COL21A1: variants seen among roughly 807,000 people sequenced by gnomAD.
COL21A1 encodes the protein collagen alpha-1(XXI) chain.
A neutral mutation model predicts 137.9 loss-of-function variants in COL21A1; 149 were observed. That is an observed-to-expected ratio of 1.08 (90% confidence interval 0.95 to 1.24). The LOEUF is 1.24. COL21A1 is among the 50% of genes most tolerant of loss of function. The pLI is 0.00. For synonymous variants in COL21A1, 456 were observed against 391.5 expected (o/e 1.16, Z -1.95); for missense variants, 1,167 against 1,158.4 (o/e 1.01, Z -0.11).
intron 29 of COL21A1, 127 bp from the exon 30 acceptor site, chr6:56,057,971 A>G (rs1582201878): frequency 1.7e-6 from 1 of 601,700 alleles, no homozygotes; most frequent in Non-Finnish European, 2.7e-6. Flanking sequence ...CACTAATTAT[A>G]TAGTAGAGGC....
chr6:56,233,106 T>C, intron 1 of COL21A1, among the ~76,000 whole-genome samples: 1 of 151,842 alleles, frequency 6.6e-6, no homozygotes, highest in Non-Finnish European at 1.5e-5. Context: ...CACAGTAATC[T>C]ATGAGTTTGG....
intron 1 of COL21A1, among the ~76,000 whole-genome samples, chr6:56,211,163 G>GTATATGTATATATACATATATATGTA (rs71813529): frequency 3.2e-5 from 1 of 30,862 alleles, no homozygotes; most frequent in Non-Finnish European, 6.4e-5. Context: ...AATTTTGTGT[G>GTATATGTATATATACATATATATGTA]TATATGTATA....
intron 16 of COL21A1, among the ~76,000 whole-genome samples, chr6:56,116,176 GA>G (rs1771901462): frequency 6.6e-6 from 1 of 151,848 alleles, no homozygotes; most frequent in Non-Finnish European, 1.5e-5. Context: ...GAAGGCTATA[GA>G]ACACCAAGCA....
chr6:56,352,693 C>G (rs1020088089), intron 1 of COL21A1, among the ~76,000 whole-genome samples: 11 of 152,154 alleles, frequency 7.2e-5, no homozygotes, highest in Non-Finnish European at 1.3e-4. Flanking sequence ...TGCCTCCTAT[C>G]CTCACTAGTA....
At chr6:56,133,268 G>T (rs529290717) in intron 12 of COL21A1, among the ~76,000 whole-genome samples, 4 of 152,174 alleles carry the variant, frequency 2.6e-5, no homozygotes, top group Admixed American at 6.5e-5. Flanking sequence ...TGAGAAACTT[G>T]TTGGGAACTG....
At chr6:56,127,425 T>C (rs191189726) in intron 12 of COL21A1, among the ~76,000 whole-genome samples, 1 of 152,308 alleles carries the variant, frequency 6.6e-6, no homozygotes, top group African/African-American at 2.4e-5. Flanking sequence ...TCATTTGCAT[T>C]GAAAATTTTT....
chr6:56,303,567 T>C (rs1764355580), intron 1 of COL21A1, among the ~76,000 whole-genome samples: 1 of 152,228 alleles, frequency 6.6e-6, no homozygotes, highest in Non-Finnish European at 1.5e-5. Context: ...CTTGTGATTT[T>C]TGTACATTGA....
intron 16 of COL21A1, among the ~76,000 whole-genome samples, chr6:56,118,380 A>G (rs1561883468): frequency 1.3e-5 from 2 of 152,072 alleles, no homozygotes; most frequent in Admixed American, 1.3e-4. Context: ...AGATTAAACC[A>G]GGAAGAAATC....
chr6:56,208,150 TC>T (rs1214706582), intron 1 of COL21A1, among the ~76,000 whole-genome samples: 1 of 152,094 alleles, frequency 6.6e-6, no homozygotes, highest in East Asian at 1.9e-4. Flanking sequence ...CTCTCACCTC[TC>T]CTAATCAACA....
intron 1 of COL21A1, among the ~76,000 whole-genome samples, chr6:56,376,287 G>A (rs1258105704): frequency 6.6e-6 from 1 of 152,188 alleles, no homozygotes; most frequent in Non-Finnish European, 1.5e-5. Flanking sequence ...AGTTTCCAAG[G>A]AGTGGGACTG....
intron 1 of COL21A1, among the ~76,000 whole-genome samples, chr6:56,261,553 G>C (rs922401820): frequency 6.6e-6 from 1 of 152,170 alleles, no homozygotes; most frequent in Non-Finnish European, 1.5e-5. Context: ...GTGGACCGGA[G>C]AGCAAGCCCT....
At chr6:56,308,411 A>G (rs1401060468) in intron 1 of COL21A1, among the ~76,000 whole-genome samples, 1 of 152,370 alleles carries the variant, frequency 6.6e-6, no homozygotes. Context: ...TTGTTAAACT[A>G]GCCCAAAGGG....
chr6:56,169,337 C>A (rs1241911802), intron 5 of COL21A1, among the ~76,000 whole-genome samples: 4 of 151,890 alleles, frequency 2.6e-5, no homozygotes, highest in Non-Finnish European at 5.9e-5. Flanking sequence ...TCCCCAGGAC[C>A]TGGCCTAATT....
chr6:56,291,613 G>A (rs1764047093), intron 1 of COL21A1, among the ~76,000 whole-genome samples: 1 of 152,220 alleles, frequency 6.6e-6, no homozygotes, highest in Admixed American at 6.5e-5. Flanking sequence ...AGGAGGGTGG[G>A]TTTGGAGTTG....
Position 56,060,235 on chromosome 6 carries a change from A to C in COL21A1, c.2408-17T>G, listed in dbSNP as rs1276359083. 3.8e-6 allele frequency: 6 copies of C among 1,564,798 alleles called. No homozygotes were observed. The highest frequency in any genetic ancestry group is 1.4e-5 in the African/African-American group (1 of 72,812). On this transcript the variant is annotated splice_polypyrimidine_tract_variant and intron_variant, in intron 27 of 29. Coordinates refer to ENST00000244728, the MANE Select transcript of COL21A1 (RefSeq NM_030820.4). ...GTAGCTGGGCTTTCAAAAACAAAGA[A>C]ACCCCATCCCTTATGTTTAAATGGT...
chr6:56,184,725 T>C (rs996964151), intron 1 of COL21A1, among the ~76,000 whole-genome samples: 1 of 152,216 alleles, frequency 6.6e-6, no homozygotes, highest in African/African-American at 2.4e-5. Context: ...TTATGTTCCT[T>C]GACCAAAGGG....
At chr6:56,338,368 G>C (rs1337294703) in intron 1 of COL21A1, among the ~76,000 whole-genome samples, 6 of 152,024 alleles carry the variant, frequency 3.9e-5, no homozygotes, top group Admixed American at 6.5e-5. Context: ...TCTCTAGAAG[G>C]CAGCATACTT....
intron 1 of COL21A1, among the ~76,000 whole-genome samples, chr6:56,220,869 C>T (rs1170824060): frequency 6.6e-6 from 1 of 152,054 alleles, no homozygotes; most frequent in Non-Finnish European, 1.5e-5. Context: ...CACAGAGAGG[C>T]TCTGAGATAT....
chr6:56,310,562 A>G (rs1345801515), intron 1 of COL21A1, among the ~76,000 whole-genome samples: 2 of 152,166 alleles, frequency 1.3e-5, no homozygotes, highest in Admixed American at 1.3e-4. Flanking sequence ...TGTATACCAT[A>G]GTATTTAATA....
Sources: gnomAD v4.1 joint callset for allele counts (sites outside exome capture counted in the v4.1 genomes callset) on GRCh38, gnomAD v4.1.1 for gene constraint, MANE v1.5 for transcripts, NCBI Gene and HGNC (gene_info 2026-07-23, HGNC 2026-07-21) for gene names.